Variants in TRHDE observed in about 807,000 individuals in gnomAD.
The protein encoded by TRHDE is thyrotropin releasing hormone degrading enzyme, also known as thyrotropin-releasing hormone-degrading ectoenzyme.
A neutral mutation model predicts 125.7 loss-of-function variants in TRHDE; 72 were observed. The observed-to-expected ratio is 0.57, with a 90% CI of 0.47 to 0.70. The LOEUF is 0.70. TRHDE is among the 30% of genes least tolerant of loss of function. TRHDE has a pLI of 0.00. For missense variants in TRHDE, 1,110 were observed against 1,327.1 expected, an observed-to-expected ratio of 0.84 and a Z score of 2.54; for synonymous variants, 509 against 509.1, an observed-to-expected ratio of 1.00 and a Z score of 0.00.
At chr12:72,242,608 T>TGA (rs1878504275) in intron 2 of TRHDE, among the ~76,000 whole-genome samples, 1 of 152,154 alleles carries the variant, frequency 6.6e-6, no homozygotes, top group African/African-American at 2.4e-5. Flanking sequence ...GGCTGCTTCT[T>TGA]GAGATGTTTC....
chr12:72,584,535 A>C (rs548581110), intron 12 of TRHDE, among the ~76,000 whole-genome samples: 1 of 152,294 alleles, frequency 6.6e-6, no homozygotes, highest in African/African-American at 2.4e-5. Context: ...TCCTTTGGCC[A>C]ATATCTTCCC....
chr12:72,280,095 C>T (rs1879640499), intron 1 of TRHDE, among the ~76,000 whole-genome samples: 1 of 152,146 alleles, frequency 6.6e-6, no homozygotes, highest in Non-Finnish European at 1.5e-5. Context: ...TGTGTTCATT[C>T]TCTTCCTCCT....
chr12:72,642,389 T>G (rs1016405740), intron 15 of TRHDE, among the ~76,000 whole-genome samples: 2 of 152,208 alleles, frequency 1.3e-5, no homozygotes, highest in African/African-American at 4.8e-5. Context: ...TACACTGAAC[T>G]TCTATGCTTT....
intron 2 of TRHDE, among the ~76,000 whole-genome samples, chr12:72,349,719 G>A (rs1176418287): frequency 6.6e-6 from 1 of 152,012 alleles, no homozygotes; most frequent in Admixed American, 6.6e-5. Context: ...AGAAGACCAA[G>A]ACATGTGGCC....
chr12:72,360,134 G>C (rs1871001930), intron 2 of TRHDE, among the ~76,000 whole-genome samples: 2 of 151,708 alleles, frequency 1.3e-5, no homozygotes. Flanking sequence ...AAAAACAAAA[G>C]TCTTAAACTT....
chr12:72,386,980 T>C lies in TRHDE; in HGVS notation c.1315+8859T>C, dbSNP rs780231906. ...AACCATGAATGCCCCAGAACTCAGG[T>C]TGGAATCTCTTCTCTTTGCTATTTA... On this transcript the variant is annotated intron_variant, in intron 3 of 18. Coordinates refer to ENST00000261180, the MANE Select transcript of TRHDE (RefSeq NM_013381.3). Among the ~76,000 whole-genome samples, 20 of 152,206 alleles carry C rather than the reference T, an allele frequency of 1.3e-4. No individual in the cohort carries two copies. In the East Asian group the frequency reaches 3.3e-3, roughly 25 times the overall value.
chr12:72,374,443 T>C (rs926939509), intron 2 of TRHDE, among the ~76,000 whole-genome samples: 2 of 151,968 alleles, frequency 1.3e-5, no homozygotes, highest in Non-Finnish European at 2.9e-5. Flanking sequence ...CTGGAATAAC[T>C]GGATAAACTT....
At chr12:72,495,086 T>TTTTTA (rs757707157) in intron 5 of TRHDE, among the ~76,000 whole-genome samples, 1 of 126,554 alleles carries the variant, frequency 7.9e-6, no homozygotes, top group Non-Finnish European at 1.6e-5. Flanking sequence ...TTTTTTTTTT[T>TTTTTA]AAGTTTCATC....
chr12:72,392,301 C>T (rs1199628464), intron 3 of TRHDE, among the ~76,000 whole-genome samples: 1 of 152,092 alleles, frequency 6.6e-6, no homozygotes, highest in Non-Finnish European at 1.5e-5. Context: ...AGGACATGGC[C>T]AAAATAAAGA....
intron 3 of TRHDE, among the ~76,000 whole-genome samples, chr12:72,467,164 T>C (rs1876418244): frequency 6.6e-6 from 1 of 152,212 alleles, no homozygotes; most frequent in Non-Finnish European, 1.5e-5. Flanking sequence ...ACATGTGCCA[T>C]GTTGGTGTGC....
intron 6 of TRHDE, among the ~76,000 whole-genome samples, chr12:72,535,571 C>T (rs1868813482): frequency 1.3e-5 from 2 of 151,822 alleles, no homozygotes; most frequent in Non-Finnish European, 1.5e-5. Flanking sequence ...TTCCCTTGTT[C>T]TATCCTCTCT....
Position 72,665,454 on chromosome 12 carries a change from G to A in TRHDE, c.*2259G>A, listed in dbSNP as rs115039185. The A allele has an allele frequency of 8.3e-4, 127 of 152,358 alleles. 1 individual carries two copies. The highest frequency in any genetic ancestry group is 3.0e-3 in the African/African-American group (123 of 41,470). 9.4% of individuals were successfully genotyped at this position (152,358 alleles called of 1,614,324 possible). On this transcript the variant is annotated 3_prime_UTR_variant, in exon 19 of 19. Transcript: ENST00000261180. ...TGCTCAACAGTATAGTGGTACCAAT[G>A]GCATTAAGATGGTGTTTTTGTTCTA...
At chr12:72,448,057 G>A (rs1378052546) in intron 3 of TRHDE, among the ~76,000 whole-genome samples, 1 of 152,060 alleles carries the variant, frequency 6.6e-6, no homozygotes, top group Non-Finnish European at 1.5e-5. Flanking sequence ...TGTTTCATAA[G>A]TCATCTCTTT....
chr12:72,166,775 G>A (rs1876759004), intron 2 of TRHDE, among the ~76,000 whole-genome samples: 1 of 152,144 alleles, frequency 6.6e-6, no homozygotes, highest in African/African-American at 2.4e-5. Flanking sequence ...ACTGGCTGCT[G>A]AAGCATTACA....
chr12:72,653,573 T>C (rs1194237837), intron 17 of TRHDE, among the ~76,000 whole-genome samples: 1 of 152,068 alleles, frequency 6.6e-6, no homozygotes, highest in Admixed American at 6.6e-5. Context: ...AATATAAATA[T>C]CTTAAAATAC....
intron 3 of TRHDE, among the ~76,000 whole-genome samples, chr12:72,416,311 G>A (rs1194878901): frequency 3.3e-5 from 5 of 151,842 alleles, no homozygotes; most frequent in African/African-American, 1.2e-4. Context: ...TTGTCAGATG[G>A]GTAGCTTGCA....
rs933491255 is a variant in TRHDE at position 72,574,216 on chromosome 12, G to C, written c.2132-1039G>C. 2.0e-5 allele frequency among the ~76,000 whole-genome samples: 3 copies of C among 152,016 alleles called. No individual in the cohort carries two copies. In the East Asian group the frequency reaches 5.8e-4, roughly 29 times the overall value. On this transcript the variant is annotated intron_variant, in intron 10 of 18. Coordinates refer to ENST00000261180, the MANE Select transcript of TRHDE (RefSeq NM_013381.3). ...AAATTTATTTTCTATTTTGAAGTCT[G>C]AATGTGTAAAAACTTTGACATTGGA...
At chr12:72,520,004 A>T (rs906802893) in intron 6 of TRHDE, among the ~76,000 whole-genome samples, 1 of 152,202 alleles carries the variant, frequency 6.6e-6, no homozygotes, top group Non-Finnish European at 1.5e-5. Flanking sequence ...CCGTTCTCAG[A>T]TGTCCAGCTG....
chr12:72,484,793 G>A (rs1254303306), intron 5 of TRHDE, among the ~76,000 whole-genome samples: 3 of 152,116 alleles, frequency 2.0e-5, no homozygotes, highest in Non-Finnish European at 2.9e-5. Context: ...CAGCAAGATG[G>A]CCAACAAGAA....
Sources: gnomAD v4.1 joint callset for allele counts (sites outside exome capture counted in the v4.1 genomes callset) on GRCh38, gnomAD v4.1.1 for gene constraint, MANE v1.5 for transcripts, NCBI Gene and HGNC (gene_info 2026-07-23, HGNC 2026-07-21) for gene names.